PPARG: variants seen among roughly 807,000 people sequenced by gnomAD.
PPARG encodes the protein peroxisome proliferator-activated receptor gamma.
A neutral mutation model predicts 39.2 loss-of-function variants in PPARG; 17 were observed. The ratio of observed to expected loss-of-function variants is 0.43; its 90% CI spans 0.30 to 0.65. PPARG has a LOEUF of 0.65. PPARG is among the 30% of genes least tolerant of loss of function. PPARG has a pLI of 0.13. For missense variants in PPARG, 406 were observed against 585.9 expected (o/e 0.69, Z 3.17); for synonymous variants, 223 against 215.7 (o/e 1.03, Z -0.30).
intron 5 of PPARG, chr3:12,399,430 A>G (rs367940246): frequency 3.5e-5 from 16 of 455,926 alleles, no homozygotes; most frequent in African/African-American, 1.6e-4. Context: ...TCCCTCAAGA[A>G]AGAGAAGTGA....
At chr3:12,353,116 C>T (rs2048540405) in intron 2 of PPARG, among the ~76,000 whole-genome samples, 1 of 152,154 alleles carries the variant, frequency 6.6e-6, no homozygotes, top group Non-Finnish European at 1.5e-5. Context: ...TCATTCTGTG[C>T]TAATCTCTAA....
rs769855481 is a variant in PPARG, at chr3:12,433,950, G to C, written c.1233G>C (p.Leu411=). The C allele has an allele frequency of 9.9e-6, 16 of 1,614,222 alleles. No homozygotes were observed. The East Asian group carries it at 3.1e-4, about 31-fold the overall frequency. The change falls in exon 8 of 8, where the codon CTG becomes CTC. Residue 411 remains leucine, a synonymous_variant. Coordinates refer to ENST00000651735, the MANE Select transcript of PPARG (RefSeq NM_138711.6). ...CCATTGAAGACATTCAAGACAACCT[G>C]CTACAAGCCCTGGAGCTCCAGCTGA... ...VKPIEDIQDN[L]LQALELQLKL...
At chr3:12,413,855 A>G (rs1259418296) in intron 6 of PPARG, among the ~76,000 whole-genome samples, 2 of 150,742 alleles carry the variant, frequency 1.3e-5, no homozygotes, top group Non-Finnish European at 3.0e-5. Flanking sequence ...GTTTGGCATG[A>G]TGGTGGGGTG....
At chr3:12,337,544 G>A (rs2125061875) in intron 2 of PPARG, among the ~76,000 whole-genome samples, 1 of 152,232 alleles carries the variant, frequency 6.6e-6, no homozygotes, top group South Asian at 2.1e-4. Flanking sequence ...AATCTTAGAA[G>A]CCATCTAATC....
chr3:12,303,259 C>T (rs182174274), intron 1 of PPARG, among the ~76,000 whole-genome samples: 149 of 151,902 alleles, frequency 9.8e-4, no homozygotes, highest in African/African-American at 3.0e-3. Flanking sequence ...TGCAGTGGCA[C>T]GATCTTGACT....
At chr3:12,413,330 A>C (rs1295123362) in intron 6 of PPARG, among the ~76,000 whole-genome samples, 2 of 152,096 alleles carry the variant, frequency 1.3e-5, no homozygotes, top group Admixed American at 1.3e-4. Flanking sequence ...CCCAGGGATC[A>C]CTCTTGCAGT....
chr3:12,287,836 C>T (rs1338989043), upstream of PPARG: 4 of 140,292 alleles, frequency 2.9e-5, no homozygotes, highest in South Asian at 2.2e-4. Context: ...CCACCCCCAC[C>T]CCCACCCCCA....
Position 12,379,684 on chromosome 3 carries a change from T to A in PPARG, c.-8-20T>A. 1 of 1,597,468 alleles carries A rather than the reference T, an allele frequency of 6.3e-7. No homozygotes were observed. The highest frequency in any genetic ancestry group is 8.6e-7 in the Non-Finnish European group (1 of 1,164,992). ...GTTCTCTAGGACTTAACTTCACAGC[T>A]AGTCTATTTTTCCTTTCAGAAATGA... On this transcript the variant is annotated intron_variant, in intron 2 of 7. Coordinates refer to ENST00000651735, the MANE Select transcript of PPARG (RefSeq NM_138711.6).
At chr3:12,390,601 G>A (rs1277990044) in intron 4 of PPARG, among the ~76,000 whole-genome samples, 1 of 116,338 alleles carries the variant, frequency 8.6e-6, no homozygotes, top group African/African-American at 3.3e-5. Flanking sequence ...ATATTATTTT[G>A]TTTTACATAG....
rs1228108761 is a variant in PPARG at position 12,379,687 on chromosome 3, T to G, written c.-8-17T>G. 1.9e-6 allele frequency: 3 copies of G among 1,602,570 alleles called. No individual in the cohort carries two copies. The Admixed American group carries it at 5.0e-5, about 27-fold the overall frequency. The stretch of plus-strand genomic sequence containing the variant: ...CTCTAGGACTTAACTTCACAGCTAG[T>G]CTATTTTTCCTTTCAGAAATGACCA... On this transcript the variant is annotated splice_polypyrimidine_tract_variant and intron_variant, in intron 2 of 7. Coordinates refer to ENST00000651735, the MANE Select transcript of PPARG (RefSeq NM_138711.6).
intron 2 of PPARG, among the ~76,000 whole-genome samples, chr3:12,371,623 G>A (rs927193772): frequency 6.6e-6 from 1 of 152,078 alleles, no homozygotes; most frequent in African/African-American, 2.4e-5. Flanking sequence ...AATAAATCTG[G>A]ATCTGTGAAA....
At chr3:12,351,707 C>A in intron 2 of PPARG, 1 of 1,524,936 alleles carries the variant, frequency 6.6e-7, no homozygotes, top group Non-Finnish European at 9.1e-7. Context: ...CTATTGGGGA[C>A]GTGGGGGCAT....
rs979542536 is a variant in PPARG, at chr3:12,416,716, T to C, written c.742T>C (p.Tyr248His). 2 of 1,613,788 alleles carry C rather than the reference T, an allele frequency of 1.2e-6. No individual in the cohort carries two copies. The highest frequency in any genetic ancestry group is 1.7e-6 in the Non-Finnish European group (2 of 1,179,804). ...KTTDKSPFVI[Y>H]DMNSLMMGED... ...GTTTTATTTGCAGCCATTCGTTATC[T>C]ATGACATGAATTCCTTAATGATGGG... The change falls in exon 7 of 8, where the codon TAT (tyrosine) becomes CAT (histidine). Residue 248 changes from tyrosine (Y) to histidine (H), a missense_variant. By Grantham distance (83) the Tyr-to-His change is moderately conservative. This residue lies in a region of PPARG where 275 missense variants were observed against 458.0 expected (regional missense o/e 0.60). Transcript: ENST00000651735.
At chr3:12,384,166 T>C (rs1306327422) in intron 4 of PPARG, among the ~76,000 whole-genome samples, 1 of 152,094 alleles carries the variant, frequency 6.6e-6, no homozygotes, top group African/African-American at 2.4e-5. Context: ...TTGGAAAATT[T>C]AAACATTTAG....
intron 1 of PPARG, among the ~76,000 whole-genome samples, chr3:12,303,561 C>A (rs796514585): frequency 6.6e-6 from 1 of 152,122 alleles, no homozygotes; most frequent in Non-Finnish European, 1.5e-5. Flanking sequence ...ACACTGGGAC[C>A]AGAGCAGTAG....
At chr3:12,383,161 GC>G (rs112216354) in intron 4 of PPARG, among the ~76,000 whole-genome samples, 1 of 151,918 alleles carries the variant, frequency 6.6e-6, no homozygotes, top group Non-Finnish European at 1.5e-5. Flanking sequence ...CCTTCATCAG[GC>G]CCCCCATATG....
At chr3:12,330,162 G>T (rs541813448) in intron 2 of PPARG, among the ~76,000 whole-genome samples, 1 of 152,232 alleles carries the variant, frequency 6.6e-6, no homozygotes, top group African/African-American at 2.4e-5. Context: ...ACCCAGGAGT[G>T]AAATGCTGGG....
intron 2 of PPARG, among the ~76,000 whole-genome samples, chr3:12,320,814 G>A (rs2047522020): frequency 2.0e-5 from 3 of 152,334 alleles, no homozygotes; most frequent in South Asian, 4.1e-4. Context: ...GGGAGGTCAA[G>A]GCTGCAGTGA....
chr3:12,382,171 A>G (rs895366643), intron 4 of PPARG, among the ~76,000 whole-genome samples: 7 of 152,096 alleles, frequency 4.6e-5, no homozygotes, highest in Non-Finnish European at 8.8e-5. Context: ...GCAGTGCCTC[A>G]TGTTTCCTTA....
Sources: allele counts gnomAD v4.1 joint callset (sites outside exome capture counted in the v4.1 genomes callset), GRCh38; gene constraint gnomAD v4.1.1; regional missense constraint gnomAD v4.1.1; transcripts MANE v1.5; gene names NCBI Gene and HGNC (gene_info 2026-07-23, HGNC 2026-07-21).